The following ITSN1 variants were observed in gnomAD, a reference collection of about 807,000 sequenced individuals.
ITSN1 encodes the protein intersectin-1.
Under a neutral mutation model 239.8 loss-of-function variants are expected in ITSN1, and 58 were observed. That is an observed-to-expected ratio of 0.24 (90% CI 0.20 to 0.30). The LOEUF (loss-of-function observed/expected upper bound fraction) is 0.30. Ranked by LOEUF, ITSN1 falls within the 10% of genes least tolerant of loss-of-function variation. The pLI is 1.00. For synonymous variants in ITSN1, 780 were observed against 770.8 expected (o/e 1.01, Z -0.20); for missense variants, 1,558 against 2,103.3 (o/e 0.74, Z 5.07).
intron 20 of ITSN1, among the ~76,000 whole-genome samples, chr21:33,802,927 GGTTACATAAAGGGTTACCCCT>G (rs2072118062): frequency 6.6e-6 from 1 of 152,116 alleles, no homozygotes; most frequent in South Asian, 2.1e-4. Context: ...TGAGACCAAG[GGTTACATAAAGGGTTACCCCT>G]GTTACATAAA....
chr21:33,735,862 G>A (rs968329187), intron 5 of ITSN1, among the ~76,000 whole-genome samples: 1 of 152,084 alleles, frequency 6.6e-6, no homozygotes, highest in African/African-American at 2.4e-5. Context: ...AAATTAGCCA[G>A]GTGTGGTGGT....
intron 16 of ITSN1, 84 bp downstream of exon 16, chr21:33,782,217 G>A (rs1333965943): frequency 1.7e-5 from 23 of 1,321,312 alleles, no homozygotes; most frequent in Non-Finnish European, 2.4e-5. Context: ...TTTAATCACA[G>A]GCAGAAAAAT....
intron 33 of ITSN1, among the ~76,000 whole-genome samples, chr21:33,868,188 A>G (rs1982007965): frequency 6.6e-6 from 1 of 152,166 alleles, no homozygotes; most frequent in Non-Finnish European, 1.5e-5. Context: ...TGGTGCCTTT[A>G]CAATCCCTGA....
At position 33,665,689 on chromosome 21, in the gene ITSN1, C is replaced by T. The variant is rs149803464; in HGVS notation, c.-33+22976C>T. 8.3e-4 allele frequency among the ~76,000 whole-genome samples: 127 copies of T among 152,244 alleles called. 1 individual carries two copies. The highest frequency in any genetic ancestry group is 2.5e-3 in the African/African-American group (105 of 41,524). ...AAAAACTTGTACATAATATTCATAG[C>T]AGCATTATTTACCATAGCCAAAAGG... is the stretch of plus-strand genomic sequence containing the variant. On this transcript the variant is annotated intron_variant, in intron 1 of 39. Transcript: ENST00000381318.
At chr21:33,793,244 C>G (rs1414772595) in intron 16 of ITSN1, among the ~76,000 whole-genome samples, 1 of 152,128 alleles carries the variant, frequency 6.6e-6, no homozygotes, top group Non-Finnish European at 1.5e-5. Flanking sequence ...ATTTTAGGGC[C>G]TGGAAGAAAC....
Position 33,735,064 on chromosome 21 carries a change from A to G in ITSN1, c.206A>G (p.Asn69Ser). The change falls in exon 5 of 40, where the codon AAT becomes AGT. Residue 69 changes from asparagine to serine, a missense_variant. Around this residue, in one of 2 missense-constraint regions of ITSN1, gnomAD observed 982 missense variants for 1,209.9 expected, o/e 0.81. Transcript: ENST00000381318. ...TGCAGGGCACTAGCTGACATGAATA[A>G]TGATGGAAGAATGGATCAAGTGGAG... Reference protein sequence around the residue: ...AQIWALADMNNDGRMDQVEFS... With the variant: ...AQIWALADMNSDGRMDQVEFS... 6.2e-7 allele frequency: 1 copy of G among 1,612,964 alleles called. No homozygotes were observed. Among genetic ancestry groups the G allele is most frequent in the Non-Finnish European group, 8.5e-7 (1 of 1,179,642 alleles).
Position 33,797,947 on chromosome 21 carries a change from T to G in ITSN1, c.2182+339T>G, listed in dbSNP as rs781188028. Among the ~76,000 whole-genome samples the G allele has an allele frequency of 2.2e-4, 33 of 152,220 alleles. No homozygotes were observed. The highest frequency in any genetic ancestry group is 3.8e-4 in the Non-Finnish European group (26 of 68,030). On this transcript the variant is annotated intron_variant, in intron 18 of 39. Coordinates refer to ENST00000381318, the MANE Select transcript of ITSN1 (RefSeq NM_003024.3). The surrounding 1 kb of genome is among the most constrained non-coding windows in gnomAD (Gnocchi z 4.9). The stretch of plus-strand genomic sequence containing the variant: ...TCCCTCCCTGGAATTTCTGAGCTGT[T>G]TCTGCAACAGAAAGTGGCACCTTTC...
At chr21:33,876,151 T>TTCTTTCTTTCTTTC (rs1555970439) in intron 34 of ITSN1, among the ~76,000 whole-genome samples, 54 of 42,826 alleles carry the variant, frequency 1.3e-3, no homozygotes, top group East Asian at 6.7e-3. Flanking sequence ...CTTTCTTTCT[T>TTCTTTCTTTCTTTC]TCTCTCTCTC....
intron 5 of ITSN1, among the ~76,000 whole-genome samples, chr21:33,749,462 G>C (rs2067404798): frequency 6.6e-6 from 1 of 152,012 alleles, no homozygotes; most frequent in Non-Finnish European, 1.5e-5. Flanking sequence ...GGCCAACATG[G>C]TGAAACCTCA....
At chr21:33,658,397 A>T (rs529149219) in intron 1 of ITSN1, among the ~76,000 whole-genome samples, 21 of 152,312 alleles carry the variant, frequency 1.4e-4, no homozygotes, top group African/African-American at 4.8e-4. Context: ...AGCCTACTAT[A>T]CACCTAGGTT....
chr21:33,724,219 C>T (rs2065681228), intron 4 of ITSN1, among the ~76,000 whole-genome samples: 1 of 152,104 alleles, frequency 6.6e-6, no homozygotes, highest in Non-Finnish European at 1.5e-5. Context: ...TATTGGCCGC[C>T]AGACTGTCTC....
At chr21:33,884,093 G>A (rs1985398637) in intron 36 of ITSN1, among the ~76,000 whole-genome samples, 1 of 151,762 alleles carries the variant, frequency 6.6e-6, no homozygotes, top group African/African-American at 2.4e-5. Context: ...GTAGAGATGG[G>A]TTCTTGCCAT....
intron 1 of ITSN1, among the ~76,000 whole-genome samples, chr21:33,657,222 G>C (rs543589602): frequency 1.3e-5 from 2 of 152,180 alleles, no homozygotes; most frequent in African/African-American, 4.8e-5. Context: ...TTTTGTGTCA[G>C]TGTGTACCCA....
At chr21:33,850,437 A>G (rs2075123338) in intron 29 of ITSN1, among the ~76,000 whole-genome samples, 2 of 152,156 alleles carry the variant, frequency 1.3e-5, no homozygotes, top group Admixed American at 1.3e-4. Flanking sequence ...CCCATTAAAA[A>G]TCGCATCTTG....
chr21:33,818,275 G>A lies in ITSN1; in HGVS notation c.2736G>A (p.Lys912=), dbSNP rs762255737. 1 of 1,614,084 alleles carries A rather than the reference G, an allele frequency of 6.2e-7. No individual in the cohort carries two copies. The highest frequency in any genetic ancestry group is 1.1e-5 in the South Asian group (1 of 91,080). ...SPSPVLGQGE[K]VEGLQAQALY... ...ATGTTATTCCACACAAGGGTGAAAA[G>A]GTGGAGGGGCTACAAGCTCAAGCCC... Residue 912 remains lysine (K), a synonymous_variant, in exon 23 of 40, where the codon AAG becomes AAA. Coordinates refer to ENST00000381318, the MANE Select transcript of ITSN1 (RefSeq NM_003024.3).
intron 1 of ITSN1, among the ~76,000 whole-genome samples, chr21:33,685,684 T>G (rs2091205806): frequency 6.6e-6 from 1 of 152,042 alleles, no homozygotes. Context: ...GGTTGACTCA[T>G]TCTTTGTTGT....
Position 33,888,329 on chromosome 21 carries a change from G to A in ITSN1, c.*29G>A. 1 of 1,586,022 alleles carries A rather than the reference G, an allele frequency of 6.3e-7. No homozygotes were observed. Among genetic ancestry groups the A allele is most frequent in the Non-Finnish European group, 8.6e-7 (1 of 1,164,926 alleles). ...GCGGGCTCAGGGTGTGCTCAGCAGG[G>A]TCCCAGCCCACGGCCACACATGCTG... On this transcript the variant is annotated 3_prime_UTR_variant, in exon 40 of 40. Coordinates refer to ENST00000381318, the MANE Select transcript of ITSN1 (RefSeq NM_003024.3).
chr21:33,708,087 G>A (rs2092304321), intron 1 of ITSN1, among the ~76,000 whole-genome samples: 1 of 152,134 alleles, frequency 6.6e-6, no homozygotes, highest in Non-Finnish European at 1.5e-5. Context: ...AAATATAGTG[G>A]CATATCAGTG....
rs147072563 is a variant in ITSN1, at chr21:33,839,677, A to G, written c.3661+3045A>G. 4.6e-3 allele frequency among the ~76,000 whole-genome samples: 694 copies of G among 151,990 alleles called. 2 individuals are homozygous for G. Among genetic ancestry groups the G allele is most frequent in the Non-Finnish European group, 7.9e-3 (537 of 67,956 alleles). On this transcript the variant is annotated intron_variant, in intron 29 of 39. Coordinates refer to ENST00000381318, the MANE Select transcript of ITSN1 (RefSeq NM_003024.3). The stretch of plus-strand genomic sequence containing the variant: ...GTCAAGGTGGGTACTACTCCATAAC[A>G]CTCTACCTAATTCACTCCAGATGCC...
Sources: gnomAD v4.1 joint callset for allele counts (sites outside exome capture counted in the v4.1 genomes callset) on GRCh38, gnomAD v4.1.1 for gene constraint, gnomAD v4.1.1 regional missense constraint, Gnocchi (gnomAD v3.1) non-coding constraint, MANE v1.5 for transcripts, NCBI Gene and HGNC (gene_info 2026-07-23, HGNC 2026-07-21) for gene names.